The following PARVA variants were observed in gnomAD, a reference collection of about 807,000 sequenced individuals.
The protein encoded by PARVA is parvin alpha, also known as alpha-parvin.
A neutral mutation model predicts 52.6 loss-of-function variants in PARVA; 25 were observed. The ratio of observed to expected loss-of-function variants is 0.48; its 90% CI spans 0.35 to 0.66. The LOEUF (loss-of-function observed/expected upper bound fraction) is 0.66. PARVA is among the 30% of genes least tolerant of loss of function. The pLI, the probability that PARVA is intolerant of heterozygous loss-of-function variation, is 0.01. For synonymous variants in PARVA, 185 were observed against 179.1 expected, an observed-to-expected ratio of 1.03 and a Z score of -0.26; for missense variants, 373 against 450.9, an observed-to-expected ratio of 0.83 and a Z score of 1.56.
chr11:12,502,783 C>T (rs910097321), intron 5 of PARVA, among the ~76,000 whole-genome samples: 1 of 150,714 alleles, frequency 6.6e-6, no homozygotes. Flanking sequence ...TTAAGACTAT[C>T]CACTCTAGTG....
intron 1 of PARVA, among the ~76,000 whole-genome samples, chr11:12,381,882 T>C (rs905473901): frequency 6.8e-6 from 1 of 147,626 alleles, no homozygotes; most frequent in South Asian, 2.1e-4. Flanking sequence ...TGTCATGACT[T>C]TTCTCTGATA....
At chr11:12,510,523 G>GT (rs925781326) in intron 7 of PARVA, among the ~76,000 whole-genome samples, 3 of 152,100 alleles carry the variant, frequency 2.0e-5, no homozygotes, top group Non-Finnish European at 2.9e-5. Flanking sequence ...CACTGTATGA[G>GT]TTTTTTTTCC....
At chr11:12,460,553 C>T (rs1940762749) in intron 1 of PARVA, among the ~76,000 whole-genome samples, 1 of 152,162 alleles carries the variant, frequency 6.6e-6, no homozygotes, top group African/African-American at 2.4e-5. Context: ...GGGTAAACCA[C>T]CGACTCTTCA....
At chr11:12,413,469 G>A (rs566693903) in intron 1 of PARVA, among the ~76,000 whole-genome samples, 1 of 152,190 alleles carries the variant, frequency 6.6e-6, no homozygotes, top group Non-Finnish European at 1.5e-5. Flanking sequence ...GGGCTTCCTA[G>A]CATTCATGTA....
rs2135041090 is a variant in PARVA, at chr11:12,477,898, A to G, written c.349A>G (p.Lys117Glu). The change falls in exon 4 of 13, where the codon AAA becomes GAA. Residue 117 changes from lysine (K) to glutamate (E), a missense_variant. Lys to Glu is a moderately conservative substitution (Grantham distance 56, BLOSUM62 1). Coordinates refer to ENST00000334956, the MANE Select transcript of PARVA (RefSeq NM_018222.5). ...DVLVGERIIV[K>E]DLAEDLYDGQ... is the part of the protein sequence containing the mutation. Reference sequence around the variant, plus strand: ...GTTGGTTGGAGAAAGAATCATTGTGAAAGACCTAGCTGAAGATTTGTATGA... The same window carrying G: ...GTTGGTTGGAGAAAGAATCATTGTGGAAGACCTAGCTGAAGATTTGTATGA... 2 of 1,611,588 alleles carry G rather than the reference A, an allele frequency of 1.2e-6. No individual in the cohort carries two copies. The highest frequency in any genetic ancestry group is 1.7e-6 in the Non-Finnish European group (2 of 1,177,736).
intron 1 of PARVA, among the ~76,000 whole-genome samples, chr11:12,457,302 G>C (rs12098920): frequency 3.9e-5 from 6 of 152,026 alleles, no homozygotes; most frequent in Admixed American, 3.3e-4. Flanking sequence ...TGTTGGTTTA[G>C]GAAAAAAAAA....
At chr11:12,518,822 GGTGCT>G (rs1941604440) in intron 12 of PARVA, among the ~76,000 whole-genome samples, 1 of 152,218 alleles carries the variant, frequency 6.6e-6, no homozygotes, top group Admixed American at 6.5e-5. Flanking sequence ...CCCTGCACAG[GGTGCT>G]GACCTGCCAA....
At chr11:12,389,008 C>T (rs1939620368) in intron 1 of PARVA, among the ~76,000 whole-genome samples, 1 of 152,014 alleles carries the variant, frequency 6.6e-6, no homozygotes, top group Non-Finnish European at 1.5e-5. Context: ...AACTGATAGC[C>T]AAGAAGAAAT....
At chr11:12,522,789 TAAAAAAA>T (rs59606718) in intron 12 of PARVA, among the ~76,000 whole-genome samples, 1 of 147,416 alleles carries the variant, frequency 6.8e-6, no homozygotes, top group Non-Finnish European at 1.5e-5. Flanking sequence ...GTAAAACTGT[TAAAAAAA>T]AAAAAACAGA....
At chr11:12,516,776 C>T (rs1941572905) in intron 10 of PARVA, among the ~76,000 whole-genome samples, 2 of 152,234 alleles carry the variant, frequency 1.3e-5, no homozygotes, top group African/African-American at 4.8e-5. Context: ...GCTTAGTCCT[C>T]ACGATAACTC....
At chr11:12,409,773 A>T (rs893623924) in intron 1 of PARVA, among the ~76,000 whole-genome samples, 6 of 152,242 alleles carry the variant, frequency 3.9e-5, no homozygotes, top group African/African-American at 1.4e-4. Context: ...ATAATAAATT[A>T]GTGTTGTAAG....
intron 1 of PARVA, among the ~76,000 whole-genome samples, chr11:12,442,489 T>C (rs536024453): frequency 1.3e-5 from 2 of 152,272 alleles, no homozygotes; most frequent in South Asian, 4.1e-4. Flanking sequence ...AGCAAAAGAC[T>C]GCATTTTCAA....
At chr11:12,507,407 A>G (rs1214261006) in intron 6 of PARVA, among the ~76,000 whole-genome samples, 2 of 152,142 alleles carry the variant, frequency 1.3e-5, no homozygotes, top group Non-Finnish European at 2.9e-5. Context: ...GTCTTCCTGC[A>G]CCCCAACATT....
chr11:12,390,137 C>G (rs565241320), intron 1 of PARVA, among the ~76,000 whole-genome samples: 3 of 152,276 alleles, frequency 2.0e-5, no homozygotes, highest in South Asian at 4.1e-4. Context: ...GTGGAGCAGA[C>G]TCTGTGCTCG....
At chr11:12,515,040 C>A (rs1200515146) in intron 10 of PARVA, among the ~76,000 whole-genome samples, 1 of 152,216 alleles carries the variant, frequency 6.6e-6, no homozygotes, top group African/African-American at 2.4e-5. Context: ...ATTAACAGCA[C>A]GTCCCAAGTA....
chr11:12,445,308 T>C (rs1045361993), intron 1 of PARVA, among the ~76,000 whole-genome samples: 28 of 152,206 alleles, frequency 1.8e-4, no homozygotes, highest in Admixed American at 1.2e-3. Context: ...GGGATGTGAA[T>C]GGTTACTAAA....
chr11:12,421,457 T>C (rs1430529193), intron 1 of PARVA, among the ~76,000 whole-genome samples: 4 of 152,056 alleles, frequency 2.6e-5, no homozygotes, highest in Non-Finnish European at 5.9e-5. Flanking sequence ...CAGCAACAGA[T>C]TTTTTTTCTT....
chr11:12,487,649 G>C (rs1299625685), intron 4 of PARVA, among the ~76,000 whole-genome samples: 1 of 151,966 alleles, frequency 6.6e-6, no homozygotes, highest in Non-Finnish European at 1.5e-5. Context: ...TCTGATTTTA[G>C]GATTGTTGAT....
chr11:12,420,415 T>G (rs1252068099), intron 1 of PARVA, among the ~76,000 whole-genome samples: 2 of 152,206 alleles, frequency 1.3e-5, no homozygotes, highest in Non-Finnish European at 2.9e-5. Flanking sequence ...TTGTTCTGTT[T>G]GGAAGTGTAA....
Sources: allele counts gnomAD v4.1 joint callset (sites outside exome capture counted in the v4.1 genomes callset), GRCh38; gene constraint gnomAD v4.1.1; transcripts MANE v1.5; gene names NCBI Gene and HGNC (gene_info 2026-07-23, HGNC 2026-07-21).